The following TC2N variants were observed in gnomAD, a reference collection of about 807,000 sequenced individuals.
The protein encoded by TC2N is tandem C2 domains nuclear protein.
A neutral mutation model predicts 61.9 loss-of-function variants in TC2N; 51 were observed. The ratio of observed to expected loss-of-function variants is 0.82; its 90% CI spans 0.66 to 1.04. The LOEUF is 1.04. TC2N is among the 50% of genes least tolerant of loss of function. The pLI is 0.00. For missense variants in TC2N, 556 were observed against 566.7 expected, an observed-to-expected ratio of 0.98 and a Z score of 0.19; for synonymous variants, 204 against 192.6, an observed-to-expected ratio of 1.06 and a Z score of -0.49.
At position 91,802,299 on chromosome 14, in the gene TC2N, G is replaced by A. The variant is rs745811695; in HGVS notation, c.424C>T (p.Arg142Ter). The A allele has an allele frequency of 4.4e-6, 7 of 1,602,122 alleles. No homozygotes were observed. The highest frequency in any genetic ancestry group is 2.3e-5 in the East Asian group (1 of 43,758). The change falls in exon 4 of 12, where the codon CGA (arginine) becomes TGA (stop). Residue 142 changes from arginine (R) to a stop codon, truncating the protein, a stop_gained. Coordinates refer to ENST00000435962, the MANE Select transcript of TC2N (RefSeq NM_001128596.3). LOFTEE classifies it high-confidence loss of function. ...ACTTCTGAACGGGGAGGAAAGCGTC[G>A]ACTCAAATCAGGTGAAATGTGCTGA... ...MYQHISPDLS[R>*]RFPPRSEVKR...
intron 3 of TC2N, among the ~76,000 whole-genome samples, chr14:91,803,575 C>T (rs1258854084): frequency 6.6e-6 from 1 of 152,076 alleles, no homozygotes; most frequent in East Asian, 1.9e-4. Context: ...GCCTCAGCCT[C>T]CGAAGTAGCT....
chr14:91,845,274 T>TAA lies in TC2N; in HGVS notation c.-57+21987_-57+21988insTT, dbSNP rs1566788319. Reference sequence around the variant, plus strand: ...AAATAAATAAATAAATAAATAAATATGTTTATACGTCTAGTCTAATTCTTG... The same window carrying TAA: ...AAATAAATAAATAAATAAATAAATATAAGTTTATACGTCTAGTCTAATTCTTG... On this transcript the variant is annotated intron_variant, in intron 1 of 11. Coordinates refer to ENST00000435962, the MANE Select transcript of TC2N (RefSeq NM_001128596.3). Among the ~76,000 whole-genome samples, 31 of 125,348 alleles carry TAA rather than the reference T, an allele frequency of 2.5e-4. 1 individual carries two copies. The East Asian group carries it at 7.4e-3, about 30-fold the overall frequency. 82.2% of individuals were successfully genotyped at this position (125,348 alleles called of 152,430 possible). A position where few individuals can be genotyped will look rare whatever the true frequency, so the allele number is the denominator to read the frequency against.
chr14:91,862,403 CG>C (rs1888610938), intron 1 of TC2N, among the ~76,000 whole-genome samples: 1 of 151,226 alleles, frequency 6.6e-6, no homozygotes, highest in Non-Finnish European at 1.5e-5. Flanking sequence ...TTTGAGCAGG[CG>C]AGGAAGAGGA....
At chr14:91,794,597 A>G (rs1885812022) in intron 8 of TC2N, among the ~76,000 whole-genome samples, 1 of 148,700 alleles carries the variant, frequency 6.7e-6, no homozygotes, top group African/African-American at 2.4e-5. Context: ...GGATAACAGC[A>G]TATCTGTTTA....
intron 3 of TC2N, among the ~76,000 whole-genome samples, chr14:91,803,091 G>T (rs1224246413): frequency 1.3e-5 from 2 of 151,994 alleles, no homozygotes; most frequent in Non-Finnish European, 2.9e-5. Context: ...CCCGTTTCAT[G>T]AACACTTACT....
chr14:91,808,285 T>C (rs557624809), intron 3 of TC2N, among the ~76,000 whole-genome samples: 1 of 152,228 alleles, frequency 6.6e-6, no homozygotes, highest in African/African-American at 2.4e-5. Flanking sequence ...TATAGGTTTG[T>C]AGCCTAGGAG....
Position 91,785,326 on chromosome 14 carries a change from C to T in TC2N, c.1198G>A (p.Glu400Lys). 6.2e-7 allele frequency: 1 copy of T among 1,613,700 alleles called. No homozygotes were observed. Among genetic ancestry groups the T allele is most frequent in the South Asian group, 1.1e-5 (1 of 91,058 alleles). ...CGTGTCTTTTTCTTATAAATCAACT[C>T]TCCCGAGCTAAACATTCCCACCTTC... The part of the protein sequence containing the change: ...FVKVGMFSSG[E>K]LIYKKKTRLL... Residue 400 changes from glutamate (E) to lysine (K), a missense_variant, in exon 11 of 12, where the codon GAG becomes AAG. Transcript: ENST00000435962.
intron 3 of TC2N, among the ~76,000 whole-genome samples, chr14:91,808,214 A>G (rs1482893527): frequency 6.6e-6 from 1 of 152,154 alleles, no homozygotes; most frequent in Non-Finnish European, 1.5e-5. Context: ...TAACTTTTAT[A>G]CCATATTTTT....
chr14:91,780,248 T>A lies in TC2N; in HGVS notation c.*2852A>T, dbSNP rs781174426. 1.3e-5 allele frequency: 2 copies of A among 152,198 alleles called. No homozygotes were observed. The highest frequency in any genetic ancestry group is 4.8e-5 in the African/African-American group (2 of 41,440). The allele number at this position is 152,198 out of a possible 1,614,324, so 9.4% of individuals were successfully genotyped here. A position where few individuals can be genotyped will look rare whatever the true frequency, so the allele number is the denominator to read the frequency against. On this transcript the variant is annotated 3_prime_UTR_variant, in exon 12 of 12. Transcript: ENST00000435962. ...TATTACAAATTTCTGAAATCCTTCA[T>A]AAGCAAGTATTTGATTAAACAAAAA...
chr14:91,863,358 A>G lies in TC2N; in HGVS notation c.-57+3904T>C, dbSNP rs1295354039. On this transcript the variant is annotated intron_variant, in intron 1 of 11. Transcript: ENST00000435962. ...GAAGGGGATTGATTAGCAAGACACC[A>G]AGCAAGGAGAATTGGGCAGCTCACG... Among the ~76,000 whole-genome samples the G allele has an allele frequency of 2.6e-5, 4 of 152,236 alleles. No homozygotes were observed. In the East Asian group the frequency reaches 7.7e-4, roughly 29 times the overall value.
intron 9 of TC2N, among the ~76,000 whole-genome samples, chr14:91,792,034 G>C (rs1223308269): frequency 2.6e-5 from 4 of 152,012 alleles, no homozygotes; most frequent in Non-Finnish European, 5.9e-5. Context: ...CGGGAGAATG[G>C]CGTGAACCCA....
chr14:91,861,537 T>C (rs559171461), intron 1 of TC2N, among the ~76,000 whole-genome samples: 1 of 152,192 alleles, frequency 6.6e-6, no homozygotes, highest in African/African-American at 2.4e-5. Flanking sequence ...GGTGGGCCAG[T>C]GCAGAGAAAG....
chr14:91,833,092 T>C (rs1887858675), intron 1 of TC2N, among the ~76,000 whole-genome samples: 1 of 152,200 alleles, frequency 6.6e-6, no homozygotes, highest in African/African-American at 2.4e-5. Context: ...AAGAAAAAGA[T>C]ATAATCAGGG....
chr14:91,812,168 A>G (rs1206044063), intron 3 of TC2N, 144 bp downstream of exon 3: 2 of 400,550 alleles, frequency 5.0e-6, no homozygotes, highest in Admixed American at 4.1e-5. Context: ...ACTACTGTAC[A>G]TTAAGTTCTT....
rs993011448 is a variant in TC2N, at chr14:91,829,835, T to C, written c.-56-16010A>G. On this transcript the variant is annotated intron_variant, in intron 1 of 11. Coordinates refer to ENST00000435962, the MANE Select transcript of TC2N (RefSeq NM_001128596.3). Reference sequence around the variant, plus strand: ...GTATACTCCAGAGAATATCTGCATTTGTTTACCAGACCATTTTCAATTCAT... The same window carrying C: ...GTATACTCCAGAGAATATCTGCATTCGTTTACCAGACCATTTTCAATTCAT... 1.1e-4 allele frequency among the ~76,000 whole-genome samples: 17 copies of C among 152,330 alleles called. No individual in the cohort carries two copies. In the East Asian group the frequency reaches 1.7e-3, roughly 16 times the overall value.
At chr14:91,810,904 C>G (rs948692921) in intron 3 of TC2N, among the ~76,000 whole-genome samples, 8 of 149,288 alleles carry the variant, frequency 5.4e-5, no homozygotes, top group Non-Finnish European at 1.2e-4. Flanking sequence ...AGAACAATAT[C>G]AAAAGGTTCA....
chr14:91,808,119 C>A (rs1438483861), intron 3 of TC2N, among the ~76,000 whole-genome samples: 2 of 152,314 alleles, frequency 1.3e-5, no homozygotes, highest in South Asian at 4.1e-4. Flanking sequence ...TTCCATTAAA[C>A]CTCTTTTTCA....
rs775540419 is a variant in TC2N, at chr14:91,792,380, G to C, written c.1034C>G (p.Pro345Arg). 1 of 1,587,846 alleles carries C rather than the reference G, an allele frequency of 6.3e-7. No homozygotes were observed. ...ATTATCGCTTACAGAAATTTTTGAA[G>C]GTGGTGTTATATCCAAAGAGTAATC... ...EMDYSLDITP[P>R]SKISVCHAEL... The change falls in exon 9 of 12, where the codon CCT becomes CGT. Residue 345 changes from proline to arginine, a missense_variant. By Grantham distance (103) the Pro-to-Arg change is moderately radical. Coordinates refer to ENST00000435962, the MANE Select transcript of TC2N (RefSeq NM_001128596.3).
Position 91,781,387 on chromosome 14 carries a change from A to G in TC2N, c.*1713T>C, listed in dbSNP as rs1885123781. ...AGAGGGGACTCTAATGTAAACCATG[A>G]ACTTTGGATGATAATGATGTTTCAG... On this transcript the variant is annotated 3_prime_UTR_variant, in exon 12 of 12. Transcript: ENST00000435962. The G allele has an allele frequency of 6.6e-6, 1 of 152,080 alleles. No individual in the cohort carries two copies. Among genetic ancestry groups the G allele is most frequent in the Admixed American group, 6.6e-5 (1 of 15,264 alleles). 9.4% of individuals were successfully genotyped at this position (152,080 alleles called of 1,614,324 possible).
Sources: allele counts gnomAD v4.1 joint callset (sites outside exome capture counted in the v4.1 genomes callset), GRCh38; gene constraint gnomAD v4.1.1; transcripts MANE v1.5; gene names NCBI Gene and HGNC (gene_info 2026-07-23, HGNC 2026-07-21).